IQSEC1: variants seen among roughly 807,000 people sequenced by gnomAD.
The protein encoded by IQSEC1 is IQ motif and SEC7 domain-containing protein 1.
Under a neutral mutation model 91.0 loss-of-function variants are expected in IQSEC1, and 31 were observed. The ratio of observed to expected loss-of-function variants is 0.34; its 90% CI spans 0.26 to 0.46. The LOEUF (loss-of-function observed/expected upper bound fraction) is 0.46. Among genes scored for constraint, IQSEC1 ranks in the 20% least tolerant of loss-of-function variants. IQSEC1 has a pLI of 1.00. For missense variants in IQSEC1, 1,388 were observed against 1,575.6 expected (o/e 0.88, Z 2.02); for synonymous variants, 699 against 662.6 (o/e 1.05, Z -0.84).
At chr3:12,966,839 G>A (rs191646788) in intron 1 of IQSEC1, among the ~76,000 whole-genome samples, 132 of 152,116 alleles carry the variant, frequency 8.7e-4, no homozygotes, top group Non-Finnish European at 1.6e-3. Flanking sequence ...ACACACACTT[G>A]GGGTCTTGCA....
intron 1 of IQSEC1, among the ~76,000 whole-genome samples, chr3:13,048,334 C>T (rs1370823486): frequency 6.6e-6 from 1 of 152,208 alleles, no homozygotes; most frequent in Non-Finnish European, 1.5e-5. Context: ...GGGGCCCCAT[C>T]CCCACAACAC....
At chr3:13,093,711 A>G (rs994620690) in intron 2 of IQSEC1, among the ~76,000 whole-genome samples, 5 of 152,300 alleles carry the variant, frequency 3.3e-5, no homozygotes. Flanking sequence ...AGGCCCGAGC[A>G]CTGATGACGA....
chr3:13,263,927 T>G (rs1426988543), intron 1 of IQSEC1, among the ~76,000 whole-genome samples: 1 of 152,218 alleles, frequency 6.6e-6, no homozygotes, highest in Non-Finnish European at 1.5e-5. Flanking sequence ...CAAGAAAGTC[T>G]GCTGGCCCAG....
chr3:13,277,429 G>A (rs764617632), intron 1 of IQSEC1, among the ~76,000 whole-genome samples: 5 of 152,222 alleles, frequency 3.3e-5, no homozygotes, highest in Non-Finnish European at 5.9e-5. Flanking sequence ...TCCTCAGCTC[G>A]AGCTGGATAA....
chr3:13,023,515 G>A (rs1703490814), intron 1 of IQSEC1, among the ~76,000 whole-genome samples: 1 of 152,190 alleles, frequency 6.6e-6, no homozygotes, highest in South Asian at 2.1e-4. Flanking sequence ...TGTATAGTGG[G>A]CAGCAGAGCT....
chr3:13,076,255 G>A (rs972276000), upstream of IQSEC1, among the ~76,000 whole-genome samples: 12 of 152,250 alleles, frequency 7.9e-5, no homozygotes, highest in African/African-American at 2.6e-4. Flanking sequence ...TTCAGACAGC[G>A]TTTTCATCCC....
intron 2 of IQSEC1, among the ~76,000 whole-genome samples, chr3:13,145,901 C>T (rs1438260136): frequency 1.3e-5 from 2 of 151,572 alleles, no homozygotes; most frequent in African/African-American, 2.4e-5. Flanking sequence ...AGGCAGGCAA[C>T]ATGCAGTTAC....
intron 1 of IQSEC1, among the ~76,000 whole-genome samples, chr3:13,065,470 T>A (rs755539550): frequency 3.3e-5 from 5 of 152,230 alleles, no homozygotes; most frequent in Non-Finnish European, 7.3e-5. Flanking sequence ...TAACCATCCC[T>A]TTTGTAAGCT....
intron 2 of IQSEC1, among the ~76,000 whole-genome samples, chr3:13,125,542 GC>G (rs898746663): frequency 1.3e-5 from 2 of 152,230 alleles, no homozygotes; most frequent in African/African-American, 4.8e-5. Flanking sequence ...GTGCAGTGTG[GC>G]GCTTGAGAAC....
At chr3:12,995,037 C>A (rs1702171678) in intron 1 of IQSEC1, 1 of 152,298 alleles carries the variant, frequency 6.6e-6, no homozygotes, top group Non-Finnish European at 1.5e-5. Flanking sequence ...CCCCGGAAGC[C>A]CTGAACGCCG....
At chr3:13,049,200 T>A (rs552272935) in intron 1 of IQSEC1, among the ~76,000 whole-genome samples, 6 of 152,060 alleles carry the variant, frequency 3.9e-5, no homozygotes, top group African/African-American at 1.2e-4. Flanking sequence ...CAGCCCTCCA[T>A]CCCCCAGCCT....
chr3:13,100,609 G>GT (rs1356759686), intron 2 of IQSEC1, among the ~76,000 whole-genome samples: 3 of 148,746 alleles, frequency 2.0e-5, no homozygotes, highest in African/African-American at 7.6e-5. Context: ...TTGGGAGTGG[G>GT]TGAGTGGGAG....
intron 1 of IQSEC1, among the ~76,000 whole-genome samples, chr3:13,247,143 T>C (rs1193954104): frequency 6.6e-6 from 1 of 152,134 alleles, no homozygotes; most frequent in Non-Finnish European, 1.5e-5. Flanking sequence ...AACCTGCTGG[T>C]GAGGTCTGCA....
chr3:13,038,297 T>TATATAC (rs1184139616), intron 1 of IQSEC1, among the ~76,000 whole-genome samples: 1 of 131,988 alleles, frequency 7.6e-6, no homozygotes, highest in Non-Finnish European at 1.6e-5. Flanking sequence ...TATATATATA[T>TATATAC]AAAATGAAGT....
chr3:13,094,247 T>C (rs1576246933), intron 2 of IQSEC1, among the ~76,000 whole-genome samples: 3 of 152,178 alleles, frequency 2.0e-5, no homozygotes, highest in East Asian at 3.9e-4. Context: ...AGGGAGATCA[T>C]GGAAGAGGCA....
rs377094874 is a variant in IQSEC1 at position 12,936,747 on chromosome 3, C to A, written c.319-50G>T. ...AACAGCACTGCATGTAGGCACAGTG[C>A]GACATTTACCAAACTCCTTCCCACT... On this transcript the variant is annotated intron_variant, in intron 2 of 13. Transcript: ENST00000613206. 8.9e-6 allele frequency: 13 copies of A among 1,465,116 alleles called. No individual in the cohort carries two copies. In the South Asian group the frequency reaches 1.7e-4, roughly 20 times the overall value. 90.8% of individuals were successfully genotyped at this position (1,465,116 alleles called of 1,614,324 possible). A position where few individuals can be genotyped will look rare whatever the true frequency, so the allele number is the denominator to read the frequency against.
At chr3:13,012,035 T>A (rs1421305864) in intron 1 of IQSEC1, among the ~76,000 whole-genome samples, 2 of 152,178 alleles carry the variant, frequency 1.3e-5, no homozygotes, top group African/African-American at 4.8e-5. Flanking sequence ...CACCAGAGGC[T>A]GCGGAGTGGC....
intron 1 of IQSEC1, among the ~76,000 whole-genome samples, chr3:13,234,195 T>A (rs947733695): frequency 3.3e-5 from 5 of 151,318 alleles, no homozygotes; most frequent in Non-Finnish European, 5.9e-5. Context: ...AGCCCCCATG[T>A]CTGTGTGTGC....
rs2124930142 is a variant in IQSEC1 at position 12,897,334 on chromosome 3, CCT to C, written c.*3647_*3648del. The C allele has an allele frequency of 6.6e-6, 1 of 152,390 alleles. No homozygotes were observed. The highest frequency in any genetic ancestry group is 6.5e-5 in the Admixed American group (1 of 15,306). The allele number at this position is 152,390 out of a possible 1,614,324, so 9.4% of individuals were successfully genotyped here. On this transcript the variant is annotated 3_prime_UTR_variant, in exon 14 of 14. Coordinates refer to ENST00000613206, the MANE Select transcript of IQSEC1 (RefSeq NM_001134382.3). Reference sequence around the variant, plus strand: ...CAGATGAAAACAAACGCACTCCTTTCCTCTCAAAGGTACACAGTGGGGGTGCC... The same window carrying C: ...CAGATGAAAACAAACGCACTCCTTTCCTCAAAGGTACACAGTGGGGGTGCC...
Sources: allele counts gnomAD v4.1 joint callset (sites outside exome capture counted in the v4.1 genomes callset), GRCh38; gene constraint gnomAD v4.1.1; transcripts MANE v1.5; gene names NCBI Gene and HGNC (gene_info 2026-07-23, HGNC 2026-07-21).